Variants in XPNPEP3 observed in about 807,000 individuals in gnomAD.
The protein encoded by XPNPEP3 is xaa-Pro aminopeptidase 3.
A neutral mutation model predicts 60.0 loss-of-function variants in XPNPEP3; 41 were observed. The ratio of observed to expected loss-of-function variants is 0.68; its 90% confidence interval spans 0.53 to 0.89. The LOEUF is 0.89. XPNPEP3 is among the 40% of genes least tolerant of loss of function. XPNPEP3 has a pLI of 0.00. For synonymous variants in XPNPEP3, 212 were observed against 223.2 expected (o/e 0.95, Z 0.45); for missense variants, 598 against 638.9 (o/e 0.94, Z 0.69).
chr22:40,870,137 A>G (rs1453341124), intron 2 of XPNPEP3: 2 of 469,944 alleles, frequency 4.3e-6, no homozygotes. Flanking sequence ...TCAAAGCTGT[A>G]AGGTAAGCTT....
At chr22:40,906,745 A>G (rs2058157073) in intron 4 of XPNPEP3, among the ~76,000 whole-genome samples, 1 of 152,214 alleles carries the variant, frequency 6.6e-6, no homozygotes, top group African/African-American at 2.4e-5. Context: ...TGTATATCTT[A>G]GTATGTTTGT....
chr22:40,860,656 CTTTTT>C, intron 1 of XPNPEP3: 1 of 1,131,210 alleles, frequency 8.8e-7, no homozygotes, highest in Non-Finnish European at 1.2e-6. Context: ...TTCCAAATTC[CTTTTT>C]TTTTTTTTTA....
Position 40,922,519 on chromosome 22 carries a change from T to C in XPNPEP3, c.1236+6T>C. The C allele has an allele frequency of 6.2e-7, 1 of 1,613,594 alleles. No individual in the cohort carries two copies. Among genetic ancestry groups the C allele is most frequent in the South Asian group, 1.1e-5 (1 of 91,056 alleles). ...AGGAAAATAATGCCTTCAAGGTACT[T>C]CACTTCTCTTGACCCCAGTTCTCAA... On this transcript the variant is annotated splice_donor_region_variant and intron_variant, in intron 8 of 9. Coordinates refer to ENST00000357137, the MANE Select transcript of XPNPEP3 (RefSeq NM_022098.4).
At chr22:40,882,562 G>A (rs1291008806) in intron 3 of XPNPEP3, among the ~76,000 whole-genome samples, 6 of 152,012 alleles carry the variant, frequency 3.9e-5, no homozygotes, top group Admixed American at 2.6e-4. Flanking sequence ...ACTTGAGCCC[G>A]GGAGGTGGAG....
rs1470268014 is a variant in XPNPEP3, at chr22:40,909,202, T to C, written c.936T>C (p.Thr312=). Residue 312 remains threonine (T), a synonymous_variant, in exon 6 of 10, where the codon ACT becomes ACC. Transcript: ENST00000357137. ...PVVAGGNRSN[T]LHYVKNNQLI... is the part of the protein sequence containing the mutation. ...TGGCTGGTGGTAATCGGTCAAACAC[T>C]TTGCACTATGTGAAAAATAATCAAC... 6.2e-7 allele frequency: 1 copy of C among 1,614,150 alleles called. No individual in the cohort carries two copies. The highest frequency in any genetic ancestry group is 1.7e-5 in the Admixed American group (1 of 59,992).
At chr22:40,887,958 CAT>C (rs2058075530) in intron 4 of XPNPEP3, among the ~76,000 whole-genome samples, 1 of 152,170 alleles carries the variant, frequency 6.6e-6, no homozygotes, top group Non-Finnish European at 1.5e-5. Context: ...ATGTGCATAA[CAT>C]AAAATATATC....
rs755388133 is a variant in XPNPEP3 at position 40,869,081 on chromosome 22, C to G, written c.147C>G (p.Pro49=). The G allele has an allele frequency of 6.2e-7, 1 of 1,614,042 alleles. No homozygotes were observed. The highest frequency in any genetic ancestry group is 8.5e-7 in the Non-Finnish European group (1 of 1,179,936). The stretch of plus-strand genomic sequence containing the variant: ...TTCCAAACCGATACTTAGGCCAGCC[C>G]AGCCCCTTTACACACCCACACCTCC... ...RRIPNRYLGQ[P]SPFTHPHLLR... is the part of the protein sequence containing the mutation. Residue 49 remains proline (P), a synonymous_variant, in exon 2 of 10, where the codon CCC becomes CCG. Coordinates refer to ENST00000357137, the MANE Select transcript of XPNPEP3 (RefSeq NM_022098.4).
chr22:40,910,450 A>C (rs2058173018), intron 6 of XPNPEP3, among the ~76,000 whole-genome samples: 1 of 152,096 alleles, frequency 6.6e-6, no homozygotes, highest in African/African-American at 2.4e-5. Context: ...CAAATCTGTA[A>C]TCCCAGCACT....
chr22:40,896,394 G>A (rs1481614514), intron 4 of XPNPEP3, among the ~76,000 whole-genome samples: 6 of 152,036 alleles, frequency 3.9e-5, no homozygotes, highest in South Asian at 2.1e-4. Context: ...GGCCTAGCAC[G>A]GTGGCGCATG....
chr22:40,862,444 A>C, intron 1 of XPNPEP3: 1 of 987,244 alleles, frequency 1.0e-6, no homozygotes, highest in Non-Finnish European at 1.2e-6. Flanking sequence ...TTGGTTTAGA[A>C]AAATGAAGTA....
chr22:40,882,066 C>T lies in XPNPEP3; in HGVS notation c.478C>T (p.Arg160Ter), dbSNP rs1601499034. 7 of 1,613,936 alleles carry T rather than the reference C, an allele frequency of 4.3e-6. No homozygotes were observed. The highest frequency in any genetic ancestry group is 1.7e-5 in the Admixed American group (1 of 59,982). ...ILFVPRRDPS[R>*]ELWDGPRSGT... The stretch of plus-strand genomic sequence containing the variant: ...TTTTGTGCCTCGGCGAGATCCCAGT[C>T]GAGAACTTTGGGATGGTCCGCGATC... The change falls in exon 3 of 10, where the codon CGA (arginine) becomes TGA (stop). Residue 160 changes from arginine (R) to a stop codon, truncating the protein, a stop_gained. Transcript: ENST00000357137. LOFTEE classifies it high-confidence loss of function.
chr22:40,908,899 G>A (rs1304820789), intron 5 of XPNPEP3, among the ~76,000 whole-genome samples: 1 of 152,180 alleles, frequency 6.6e-6, no homozygotes, highest in East Asian at 1.9e-4. Flanking sequence ...AACAGGATTT[G>A]TGGGAATAAA....
rs1255797081 is a variant in XPNPEP3, at chr22:40,881,820, A to C, written c.232A>C (p.Lys78Gln). 1.9e-6 allele frequency: 3 copies of C among 1,614,108 alleles called. No individual in the cohort carries two copies. The African/African-American group carries it at 4.0e-5, about 22-fold the overall frequency. The change falls in exon 3 of 10, where the codon AAA (lysine) becomes CAA (glutamine). Residue 78 changes from lysine (K) to glutamine (Q), a missense_variant. By Grantham distance (53) the Lys-to-Gln change is moderately conservative. Coordinates refer to ENST00000357137, the MANE Select transcript of XPNPEP3 (RefSeq NM_022098.4). Reference sequence around the variant, plus strand: ...GGTGGAATATGCACTTCGCAGACACAAACTAATGTCTCTGATCCAGAAGGA... The same window carrying C: ...GGTGGAATATGCACTTCGCAGACACCAACTAATGTCTCTGATCCAGAAGGA... ...SQVEYALRRHKLMSLIQKEAQ... is the reference protein window; with the variant it reads ...SQVEYALRRHQLMSLIQKEAQ...
intron 1 of XPNPEP3, chr22:40,862,811 C>A: frequency 2.1e-6 from 2 of 964,490 alleles, no homozygotes; most frequent in Non-Finnish European, 1.2e-6. Context: ...TTGTGCCAGG[C>A]ACCGTTTTAG....
chr22:40,898,587 A>G (rs2058119290), intron 4 of XPNPEP3, among the ~76,000 whole-genome samples: 1 of 152,078 alleles, frequency 6.6e-6, no homozygotes, highest in African/African-American at 2.4e-5. Context: ...ATATGGTATA[A>G]ACTAAGGGTC....
chr22:40,875,335 A>G (rs1222449366), intron 2 of XPNPEP3, among the ~76,000 whole-genome samples: 3 of 152,046 alleles, frequency 2.0e-5, no homozygotes, highest in African/African-American at 7.2e-5. Flanking sequence ...ATGCCTGGCT[A>G]ATTTTTTAAA....
In XPNPEP3 at chr22:40,928,938, A is replaced by G. The variant is rs2058244981; in HGVS notation, c.*2503A>G. 1 of 152,062 alleles carries G rather than the reference A, an allele frequency of 6.6e-6. No homozygotes were observed. Among genetic ancestry groups the G allele is most frequent in the South Asian group, 2.1e-4 (1 of 4,832 alleles). The allele number at this position is 152,062 out of a possible 1,614,324, so 9.4% of individuals were successfully genotyped here. A position where few individuals can be genotyped will look rare whatever the true frequency, so the allele number is the denominator to read the frequency against. Reference sequence around the variant, plus strand: ...AGGAATGCCTGGCTTTGCGCACCTTATCTAAGCAGCTCTCAGAATGGAGGC... The same window carrying G: ...AGGAATGCCTGGCTTTGCGCACCTTGTCTAAGCAGCTCTCAGAATGGAGGC... On this transcript the variant is annotated 3_prime_UTR_variant, in exon 10 of 10. Transcript: ENST00000357137.
At chr22:40,875,511 A>G (rs1287116750) in intron 2 of XPNPEP3, among the ~76,000 whole-genome samples, 2 of 152,186 alleles carry the variant, frequency 1.3e-5, no homozygotes, top group Admixed American at 1.3e-4. Flanking sequence ...TTATAGATGA[A>G]TAAACCTGTT....
intron 1 of XPNPEP3, among the ~76,000 whole-genome samples, chr22:40,866,011 C>G (rs1181228854): frequency 6.6e-6 from 1 of 152,142 alleles, no homozygotes; most frequent in Admixed American, 6.5e-5. Context: ...ACTTTTCTCC[C>G]TGAAATTAAG....
Sources: allele counts gnomAD v4.1 joint callset (sites outside exome capture counted in the v4.1 genomes callset), GRCh38; gene constraint gnomAD v4.1.1; transcripts MANE v1.5; gene names NCBI Gene and HGNC (gene_info 2026-07-23, HGNC 2026-07-21).